The following RNF20 variants were observed in gnomAD, a reference collection of about 807,000 sequenced individuals.
The protein encoded by RNF20 is E3 ubiquitin-protein ligase BRE1A.
RNF20 carries 84 observed loss-of-function variants against 126.2 expected under a neutral mutation model. The observed-to-expected ratio is 0.67, with a 90% CI of 0.56 to 0.80. RNF20 has a LOEUF of 0.80. Ranked by LOEUF, RNF20 falls within the 30% of genes least tolerant of loss-of-function variation. The pLI is 0.00. For synonymous variants in RNF20, 400 were observed against 414.3 expected (o/e 0.97, Z 0.42); for missense variants, 869 against 1,188.2 (o/e 0.73, Z 3.95).
At position 101,552,397 on chromosome 9, in the gene RNF20, T is replaced by C; in HGVS notation, c.1545T>C (p.Ser515=). ...QSDLNKTRLR[S]GSALLQSQSS... ...TATTCTCCCAGACACGCCTGCGTAG[T>C]GGTAGTGCCCTCCTGCAGTCCCAGT... The change falls in exon 13 of 20, where the codon AGT becomes AGC. Residue 515 remains serine, a synonymous_variant. Coordinates refer to ENST00000389120, the MANE Select transcript of RNF20 (RefSeq NM_019592.7). 1 of 1,605,388 alleles carries C rather than the reference T, an allele frequency of 6.2e-7. No individual in the cohort carries two copies.
rs1278976486 is a variant in RNF20 at position 101,557,609 on chromosome 9, A to G, written c.2382+13A>G. ...TCTGAAGACTCAGGTAATTAGGATG[A>G]GTAGAGCTTTCTATTCTGTTGAAAT... is the stretch of plus-strand genomic sequence containing the variant. On this transcript the variant is annotated intron_variant, in intron 16 of 19. Coordinates refer to ENST00000389120, the MANE Select transcript of RNF20 (RefSeq NM_019592.7). 3.2e-6 allele frequency: 5 copies of G among 1,582,906 alleles called. No homozygotes were observed. The highest frequency in any genetic ancestry group is 4.3e-6 in the Non-Finnish European group (5 of 1,152,032).
intron 11 of RNF20, 141 bp from the exon 12 acceptor site, chr9:101,552,000 T>G (rs2118714925): frequency 7.6e-7 from 1 of 1,321,198 alleles, no homozygotes; most frequent in Non-Finnish European, 1.0e-6. Context: ...TGACCAGTTT[T>G]GTTTTCATCT....
rs544078590 is a variant in RNF20 at position 101,543,266 on chromosome 9, A to G, written c.629-1501A>G. On this transcript the variant is annotated intron_variant, in intron 5 of 19. Coordinates refer to ENST00000389120, the MANE Select transcript of RNF20 (RefSeq NM_019592.7). ...TAACCCTGCCAGAGCGGCACTGTCT[A>G]ACCTGCCACGGCAGTACTGTCTAAC... Among the ~76,000 whole-genome samples the G allele has an allele frequency of 4.6e-4, 70 of 152,238 alleles. 1 individual carries two copies. The highest frequency in any genetic ancestry group is 1.5e-4 in the Non-Finnish European group (10 of 68,020).
Position 101,540,948 on chromosome 9 carries a change from C to T in RNF20, c.601C>T (p.Leu201Phe). The T allele has an allele frequency of 1.2e-6, 2 of 1,614,042 alleles. No homozygotes were observed. The highest frequency in any genetic ancestry group is 1.3e-5 in the African/African-American group (1 of 75,018). Residue 201 changes from leucine to phenylalanine, a missense_variant, in exon 5 of 20, where the codon CTC becomes TTC. By Grantham distance (22) the Leu-to-Phe change is conservative (BLOSUM62 0). This residue lies in a region of RNF20 where 103 missense variants were observed against 94.3 expected (regional missense o/e 1.09). Coordinates refer to ENST00000389120, the MANE Select transcript of RNF20 (RefSeq NM_019592.7). Reference protein sequence around the residue: ...VYDKLQEKVELLSRKLNSGDN... With the variant: ...VYDKLQEKVEFLSRKLNSGDN... ...TGATAAATTGCAAGAAAAAGTGGAG[C>T]TCTTATCCCGGAAGCTAAACAGTGG...
intron 10 of RNF20, 79 bp downstream of exon 10, chr9:101,550,864 T>A: frequency 8.3e-7 from 1 of 1,205,902 alleles, no homozygotes; most frequent in Non-Finnish European, 1.2e-6. Flanking sequence ...CATGTGCAAT[T>A]AATCTCTCAT....
rs766761004 is a variant in RNF20 at position 101,562,443 on chromosome 9, G to A, written c.*21G>A. On this transcript the variant is annotated 3_prime_UTR_variant, in exon 20 of 20. Transcript: ENST00000389120. ...GTTGATCTAAGTCAAGAGAAGAAGA[G>A]GAGCTGGCTAGTCAGGAACTTATTC... The A allele has an allele frequency of 3.1e-6, 5 of 1,600,572 alleles. No individual in the cohort carries two copies. The highest frequency in any genetic ancestry group is 3.3e-4 in the Middle Eastern group (2 of 6,030).
chr9:101,561,300 A>C (rs537861352), intron 18 of RNF20, 70 bp downstream of exon 18: 1 of 1,467,098 alleles, frequency 6.8e-7, no homozygotes, highest in African/African-American at 1.4e-5. Flanking sequence ...CATATCATGA[A>C]AGAATCATTA....
At position 101,561,208 on chromosome 9, in the gene RNF20, T is replaced by C; in HGVS notation, c.2627T>C (p.Met876Thr). 1 of 1,613,694 alleles carries C rather than the reference T, an allele frequency of 6.2e-7. No individual in the cohort carries two copies. Among genetic ancestry groups the C allele is most frequent in the Non-Finnish European group, 8.5e-7 (1 of 1,179,724 alleles). ...VENSVTKEKD[M>T]FNFKRAQEDI... The stretch of plus-strand genomic sequence containing the variant: ...AACAGTGTTACCAAAGAAAAGGACA[T>C]GTTCAATTTCAAACGAGCCCAGGTA... The change falls in exon 18 of 20, where the codon ATG becomes ACG. Residue 876 changes from methionine (M) to threonine (T), a missense_variant. Around this residue, in one of 8 missense-constraint regions of RNF20, gnomAD observed 150 missense variants for 173.7 expected, o/e 0.86. Coordinates refer to ENST00000389120, the MANE Select transcript of RNF20 (RefSeq NM_019592.7).
intron 9 of RNF20, among the ~76,000 whole-genome samples, chr9:101,550,277 T>C (rs1827421655): frequency 6.6e-6 from 1 of 152,234 alleles, no homozygotes; most frequent in African/African-American, 2.4e-5. Context: ...GAGAACAAGT[T>C]AGTGACTGGG....
chr9:101,554,046 C>A lies in RNF20; in HGVS notation c.1960C>A (p.Pro654Thr). 6.2e-7 allele frequency: 1 copy of A among 1,613,600 alleles called. No homozygotes were observed. The highest frequency in any genetic ancestry group is 8.5e-7 in the Non-Finnish European group (1 of 1,179,706). Reference sequence around the variant, plus strand: ...ATTGCTGGATATGTACCGTTCTGCCCCAAAGGAACAGAGAGACAAAGTTCA... The same window carrying A: ...ATTGCTGGATATGTACCGTTCTGCCACAAAGGAACAGAGAGACAAAGTTCA... ...KLLLDMYRSA[P>T]KEQRDKVQLM... Residue 654 changes from proline (P) to threonine (T), a missense_variant, in exon 14 of 20, where the codon CCA becomes ACA. This residue lies in a region of RNF20 where 231 missense variants were observed against 263.6 expected (regional missense o/e 0.88). Transcript: ENST00000389120.
Position 101,554,564 on chromosome 9 carries a change from A to G in RNF20, c.2020-130A>G, listed in dbSNP as rs1827501503. 7.5e-6 allele frequency: 5 copies of G among 667,438 alleles called. No homozygotes were observed. In the South Asian group the frequency reaches 9.1e-5, roughly 12 times the overall value. 41.3% of individuals were successfully genotyped at this position (667,438 alleles called of 1,614,324 possible). A position where few individuals can be genotyped will look rare whatever the true frequency, so the allele number is the denominator to read the frequency against. On this transcript the variant is annotated intron_variant, in intron 14 of 19. Transcript: ENST00000389120. ...GTGTTATGTAATGTTTTAGTATATTATGTACCTTGTTCTATAATTCTGTAA... is the reference window on the plus strand; with the variant it reads ...GTGTTATGTAATGTTTTAGTATATTGTGTACCTTGTTCTATAATTCTGTAA...
intron 5 of RNF20, among the ~76,000 whole-genome samples, chr9:101,543,862 C>T (rs186756965): frequency 1.3e-5 from 2 of 152,218 alleles, no homozygotes; most frequent in East Asian, 3.9e-4. Context: ...CATGGAGGTT[C>T]TTATTAAGTA....
intron 5 of RNF20, among the ~76,000 whole-genome samples, chr9:101,541,934 G>C (rs868796689): frequency 6.6e-6 from 1 of 152,122 alleles, no homozygotes; most frequent in Admixed American, 6.5e-5. Context: ...TACATCTTTA[G>C]TCATTTGTGG....
At position 101,562,504 on chromosome 9, in the gene RNF20, C is replaced by T. The variant is rs1308980939; in HGVS notation, c.*82C>T. On this transcript the variant is annotated 3_prime_UTR_variant, in exon 20 of 20. Transcript: ENST00000389120. ...AAACCTCTACCTCTTCTCTCCTTGACTGTCACCTGTAGGACAGTTTATCAG... is the reference window on the plus strand; with the variant it reads ...AAACCTCTACCTCTTCTCTCCTTGATTGTCACCTGTAGGACAGTTTATCAG... 1 of 1,344,216 alleles carries T rather than the reference C, an allele frequency of 7.4e-7. No homozygotes were observed. The highest frequency in any genetic ancestry group is 2.1e-5 in the Admixed American group (1 of 46,958). The allele number at this position is 1,344,216 out of a possible 1,614,324, so 83.3% of individuals were successfully genotyped here.
chr9:101,540,505 C>G lies in RNF20; in HGVS notation c.313C>G (p.Arg105Gly). ...CCTTCTCCAGTTTGATGAAAACATC[C>G]GTATCATCCTTAAACGTTATGATCT... is the stretch of plus-strand genomic sequence containing the variant. ...RYWSQFDENI[R>G]IILKRYDLEQ... The change falls in exon 4 of 20, where the codon CGT becomes GGT. Residue 105 changes from arginine (R) to glycine (G), a missense_variant. By Grantham distance (125) the Arg-to-Gly change is moderately radical. This residue lies in a region of RNF20 where 157 missense variants were observed against 236.0 expected (regional missense o/e 0.67). Transcript: ENST00000389120. 4 of 1,613,844 alleles carry G rather than the reference C, an allele frequency of 2.5e-6. No individual in the cohort carries two copies. The highest frequency in any genetic ancestry group is 2.5e-6 in the Non-Finnish European group (3 of 1,179,940).
At position 101,540,875 on chromosome 9, in the gene RNF20, A is replaced by G. The variant is rs762036789; in HGVS notation, c.528A>G (p.Glu176=). 8 of 1,613,786 alleles carry G rather than the reference A, an allele frequency of 5.0e-6. No individual in the cohort carries two copies. Among genetic ancestry groups the G allele is most frequent in the Non-Finnish European group, 5.9e-6 (7 of 1,179,984 alleles). ...SSEEMESQLQ[E]RVESSRRAVS... The stretch of plus-strand genomic sequence containing the variant: ...AAGAGATGGAGTCTCAGCTGCAGGA[A>G]CGTGTGGAGTCTTCCCGCCGAGCCG... The change falls in exon 5 of 20, where the codon GAA becomes GAG. Residue 176 remains glutamate, a synonymous_variant. Transcript: ENST00000389120.
chr9:101,544,942 T>C, intron 6 of RNF20, 57 bp downstream of exon 6: 1 of 1,085,248 alleles, frequency 9.2e-7, no homozygotes, highest in Non-Finnish European at 1.4e-6. Flanking sequence ...AGATGTTGAC[T>C]TACAATTCTG....
At chr9:101,543,662 C>A (rs1588218402) in intron 5 of RNF20, among the ~76,000 whole-genome samples, 2 of 152,258 alleles carry the variant, frequency 1.3e-5, no homozygotes, top group South Asian at 2.1e-4. Context: ...GTCTTTGATT[C>A]AAAAGAATTG....
intron 9 of RNF20, 32 bp from the exon 10 acceptor site, chr9:101,550,574 C>T: frequency 6.3e-7 from 1 of 1,595,500 alleles, no homozygotes; most frequent in Non-Finnish European, 8.6e-7. Context: ...ATGCTAGATT[C>T]TGCTTCTGAC....
Sources: allele counts gnomAD v4.1 joint callset (sites outside exome capture counted in the v4.1 genomes callset), GRCh38; gene constraint gnomAD v4.1.1; regional missense constraint gnomAD v4.1.1; transcripts MANE v1.5; gene names NCBI Gene and HGNC (gene_info 2026-07-23, HGNC 2026-07-21).